Variants in JAK1 observed in about 807,000 individuals in gnomAD.
The protein encoded by JAK1 is Janus kinase 1, also known as tyrosine-protein kinase JAK1.
JAK1 carries 16 observed loss-of-function variants against 136.6 expected under a neutral mutation model. That is an observed-to-expected ratio of 0.12 (90% CI 0.08 to 0.18). The LOEUF is 0.18. Among genes scored for constraint, JAK1 ranks in the 10% least tolerant of loss-of-function variants. The pLI is 1.00. For synonymous variants in JAK1, 492 were observed against 519.5 expected (o/e 0.95, Z 0.72); for missense variants, 859 against 1,450.1 (o/e 0.59, Z 6.62).
intron 5 of JAK1, among the ~76,000 whole-genome samples, 178 bp downstream of exon 5, chr1:64,873,192 C>G (rs1273716182): frequency 5.3e-5 from 8 of 152,190 alleles, no homozygotes; most frequent in Non-Finnish European, 1.0e-4. Context: ...TCTTGGAAAG[C>G]TGAAATGCTG....
chr1:65,042,345 G>A (rs1647141568), intron 2 of JAK1, among the ~76,000 whole-genome samples: 1 of 151,662 alleles, frequency 6.6e-6, no homozygotes, highest in Non-Finnish European at 1.5e-5. Context: ...GATACTGAAG[G>A]ACAACTGTAT....
chr1:64,964,566 C>G (rs967095795), intron 1 of JAK1, among the ~76,000 whole-genome samples: 2 of 152,056 alleles, frequency 1.3e-5, no homozygotes, highest in Admixed American at 6.5e-5. Context: ...AATCATTTCC[C>G]AATGGTAGTA....
chr1:64,904,559 T>C (rs985393872), intron 1 of JAK1, among the ~76,000 whole-genome samples: 14 of 152,228 alleles, frequency 9.2e-5, no homozygotes, highest in African/African-American at 3.1e-4. Context: ...TCTTTTTTAA[T>C]GGAATATACA....
chr1:64,878,559 GTGTATATATATATATATATATA>G (rs1358256115), intron 4 of JAK1, among the ~76,000 whole-genome samples: 4 of 79,262 alleles, frequency 5.0e-5, no homozygotes, highest in African/African-American at 1.9e-4. Flanking sequence ...TATATATAGT[GTGTATATATATATATATATATA>G]TATATATATA....
At chr1:64,965,930 C>A (rs549765998) in intron 1 of JAK1, among the ~76,000 whole-genome samples, 1 of 152,126 alleles carries the variant, frequency 6.6e-6, no homozygotes, top group Non-Finnish European at 1.5e-5. Flanking sequence ...CGGGAGCTGG[C>A]GGTCAAGTTC....
At chr1:64,899,326 G>C (rs2101452489) in intron 1 of JAK1, among the ~76,000 whole-genome samples, 1 of 152,328 alleles carries the variant, frequency 6.6e-6, no homozygotes. Context: ...AGTCAGTAAA[G>C]TTGGTGTTAT....
At chr1:65,037,145 C>T (rs943555946) in intron 2 of JAK1, among the ~76,000 whole-genome samples, 1 of 152,128 alleles carries the variant, frequency 6.6e-6, no homozygotes, top group African/African-American at 2.4e-5. Context: ...GTAATTATGC[C>T]ACTGCACTCC....
chr1:64,962,653 A>C (rs932416429), intron 1 of JAK1, among the ~76,000 whole-genome samples: 4 of 152,232 alleles, frequency 2.6e-5, no homozygotes, highest in Admixed American at 2.0e-4. Flanking sequence ...CCATGTAACC[A>C]GAGGGTTTCT....
chr1:64,943,223 T>C (rs1226428244), intron 1 of JAK1, among the ~76,000 whole-genome samples: 9 of 152,194 alleles, frequency 5.9e-5, no homozygotes, highest in Non-Finnish European at 2.9e-5. Flanking sequence ...TCCCATATAA[T>C]GGTTCAGAAT....
At chr1:65,014,439 G>A (rs1490274323) in intron 2 of JAK1, among the ~76,000 whole-genome samples, 1 of 151,042 alleles carries the variant, frequency 6.6e-6, no homozygotes, top group Non-Finnish European at 1.5e-5. Context: ...AGAGAGAATG[G>A]GAGGGAGGGA....
At chr1:64,962,905 T>TA (rs1469114168) in intron 1 of JAK1, among the ~76,000 whole-genome samples, 1 of 151,850 alleles carries the variant, frequency 6.6e-6, no homozygotes, top group Non-Finnish European at 1.5e-5. Context: ...CCATCTCTAC[T>TA]AAAAAACAAC....
intron 2 of JAK1, among the ~76,000 whole-genome samples, chr1:65,030,222 T>A (rs764476871): frequency 6.6e-6 from 1 of 152,194 alleles, no homozygotes; most frequent in Non-Finnish European, 1.5e-5. Context: ...CACAAGGAAC[T>A]GAACCAGCTG....
At position 64,941,395 on chromosome 1, in the gene JAK1, T is replaced by C. The variant is rs542075282; in HGVS notation, c.-78+24938A>G. Among the ~76,000 whole-genome samples the C allele has an allele frequency of 4.6e-5, 7 of 152,314 alleles. No individual in the cohort carries two copies. The East Asian group carries it at 7.7e-4, about 17-fold the overall frequency. On this transcript the variant is annotated intron_variant, in intron 1 of 24. Coordinates refer to ENST00000342505, the MANE Select transcript of JAK1 (RefSeq NM_002227.4). ...ACAACATGACTACAAATTCTTTCAG[T>C]TGGGGCTTTCACTGGGACTTATCCA...
intron 5 of JAK1, among the ~76,000 whole-genome samples, chr1:64,870,959 T>TACAATACAATAAG (rs1657038694): frequency 6.6e-6 from 1 of 152,142 alleles, no homozygotes; most frequent in Non-Finnish European, 1.5e-5. Flanking sequence ...CTCAAGTCAC[T>TACAATACAATAAG]TATTCCTGAG....
chr1:65,043,700 A>ATTTTTTTTTTTTTT (rs112982943), intron 2 of JAK1, among the ~76,000 whole-genome samples: 2 of 101,248 alleles, frequency 2.0e-5, no homozygotes, highest in African/African-American at 3.5e-5. Flanking sequence ...CACCTGGCTA[A>ATTTTTTTTTTTTTT]TTTTTTTTTT....
At chr1:65,046,354 G>A (rs579247) in intron 1 of JAK1, among the ~76,000 whole-genome samples, 11,002 of 152,262 alleles carry the variant, frequency 0.072, 725 homozygotes, top group East Asian at 0.32. Flanking sequence ...ATGCCAAAGG[G>A]AGCCCACAGG....
intron 1 of JAK1, among the ~76,000 whole-genome samples, chr1:64,951,387 G>A (rs2100576570): frequency 6.6e-6 from 1 of 152,114 alleles, no homozygotes; most frequent in Middle Eastern, 3.4e-3. Context: ...CAAGCATACA[G>A]AAAAGTATAA....
intron 1 of JAK1, among the ~76,000 whole-genome samples, chr1:64,915,095 C>T (rs1392050194): frequency 6.6e-6 from 1 of 152,078 alleles, no homozygotes; most frequent in Non-Finnish European, 1.5e-5. Context: ...CACATATATA[C>T]CTTATAGGAT....
chr1:65,056,727 C>G (rs769644215), intron 1 of JAK1, among the ~76,000 whole-genome samples: 16 of 151,966 alleles, frequency 1.1e-4, no homozygotes, highest in Non-Finnish European at 1.9e-4. Flanking sequence ...GAGTTTGAAA[C>G]CAGTTTGGGC....
Sources: gnomAD v4.1 joint callset for allele counts (sites outside exome capture counted in the v4.1 genomes callset) on GRCh38, gnomAD v4.1.1 for gene constraint, MANE v1.5 for transcripts, NCBI Gene and HGNC (gene_info 2026-07-23, HGNC 2026-07-21) for gene names.